AQR: variants seen among roughly 807,000 people sequenced by gnomAD.
AQR encodes the protein RNA helicase aquarius.
In AQR, 61 loss-of-function variants were observed where a neutral mutation model predicts 180.5. The observed-to-expected ratio is 0.34, with a 90% CI of 0.28 to 0.42. The LOEUF (loss-of-function observed/expected upper bound fraction) is 0.42. Among genes scored for constraint, AQR ranks in the 10% least tolerant of loss-of-function variants. The pLI is 1.00. For missense variants in AQR, 1,281 were observed against 1,798.3 expected (o/e 0.71, Z 5.20); for synonymous variants, 551 against 588.8 (o/e 0.94, Z 0.93).
In AQR at chr15:34,862,072, A is replaced by G. The variant is rs371560446; in HGVS notation, c.4029+795T>C. 4.3e-4 allele frequency among the ~76,000 whole-genome samples: 66 copies of G among 152,284 alleles called. 1 individual carries two copies. The South Asian group carries it at 0.013, about 30-fold the overall frequency. The stretch of plus-strand genomic sequence containing the variant: ...GGAATATAAGGATAAACGTGAAACT[A>G]AAGAAACTGGTTACCTATGGAGGGA... On this transcript the variant is annotated intron_variant, in intron 33 of 34. Transcript: ENST00000156471.
At chr15:34,958,001 G>C (rs1268663514) in intron 3 of AQR, among the ~76,000 whole-genome samples, 1 of 151,922 alleles carries the variant, frequency 6.6e-6, no homozygotes, top group Non-Finnish European at 1.5e-5. Flanking sequence ...AAGGTCGGGA[G>C]ATCGAGACCA....
In AQR at chr15:34,856,781, C is replaced by T. The variant is rs746391814; in HGVS notation, c.*11G>A. 24 of 1,514,966 alleles carry T rather than the reference C, an allele frequency of 1.6e-5. No homozygotes were observed. The highest frequency in any genetic ancestry group is 1.9e-5 in the Non-Finnish European group (22 of 1,132,176). The allele number at this position is 1,514,966 out of a possible 1,614,324, so 93.8% of individuals were successfully genotyped here. Reference sequence around the variant, plus strand: ...ACTGCCATGTCCTCCTTTAGAAGGACTACAGTTTGGCTACTTGGTCTCTTC... The same window carrying T: ...ACTGCCATGTCCTCCTTTAGAAGGATTACAGTTTGGCTACTTGGTCTCTTC... On this transcript the variant is annotated 3_prime_UTR_variant, in exon 35 of 35. Transcript: ENST00000156471.
intron 9 of AQR, among the ~76,000 whole-genome samples, chr15:34,935,728 C>G (rs200762535): frequency 1.3e-5 from 2 of 152,098 alleles, no homozygotes; most frequent in East Asian, 3.8e-4. Flanking sequence ...AAAACATGAT[C>G]AGAGAAAATG....
At chr15:34,917,534 T>C (rs1051484542) in intron 15 of AQR, among the ~76,000 whole-genome samples, 1 of 152,104 alleles carries the variant, frequency 6.6e-6, no homozygotes, top group East Asian at 1.9e-4. Context: ...TATCAATAAA[T>C]GATAATGTCT....
At chr15:34,875,509 T>C (rs1488662307) in intron 28 of AQR, among the ~76,000 whole-genome samples, 1 of 152,046 alleles carries the variant, frequency 6.6e-6, no homozygotes, top group African/African-American at 2.4e-5. Context: ...TATTTTACAG[T>C]AAAAAAATTC....
Position 34,896,885 on chromosome 15 carries a change from C to A in AQR, c.2460+12G>T. ...CAAACAAACAAACAAACAGGTGTAA[C>A]AATTCTCTTACCATAGTCAGCCCAG... On this transcript the variant is annotated intron_variant, in intron 22 of 34. Transcript: ENST00000156471. 6.2e-7 allele frequency: 1 copy of A among 1,602,070 alleles called. No individual in the cohort carries two copies. The highest frequency in any genetic ancestry group is 2.2e-5 in the East Asian group (1 of 44,852).
chr15:34,950,683 G>A (rs575037293), intron 4 of AQR, among the ~76,000 whole-genome samples: 1 of 151,998 alleles, frequency 6.6e-6, no homozygotes, highest in South Asian at 2.1e-4. Flanking sequence ...AGTTCTTGGT[G>A]GTGGGGGCAG....
chr15:34,897,828 C>T (rs377182395), intron 20 of AQR, 123 bp from the exon 21 acceptor site: 74 of 1,040,942 alleles, frequency 7.1e-5, no homozygotes, highest in Middle Eastern at 5.0e-4. Flanking sequence ...CTTAAAGGAA[C>T]GATATCTGTA....
chr15:34,884,655 G>A lies in AQR; in HGVS notation c.2897C>T (p.Thr966Ile), dbSNP rs1893029920. The A allele has an allele frequency of 2.5e-6, 4 of 1,612,616 alleles. No individual in the cohort carries two copies. Among genetic ancestry groups the A allele is most frequent in the African/African-American group, 2.7e-5 (2 of 74,830 alleles). ...STLPDVTEVS[T>I]FFPFHEYFAN... The stretch of plus-strand genomic sequence containing the variant: ...AAAGTATTCATGGAAAGGGAAGAAA[G>A]TGGAGACTTCCGTAACATCTGGCAA... Residue 966 changes from threonine (T) to isoleucine (I), a missense_variant, in exon 26 of 35, where the codon ACT becomes ATT. Physicochemically the swap from Thr to Ile is moderately conservative, Grantham distance 89. Coordinates refer to ENST00000156471, the MANE Select transcript of AQR (RefSeq NM_014691.3).
chr15:34,873,585 G>C (rs1269864518), intron 30 of AQR, among the ~76,000 whole-genome samples: 3 of 151,864 alleles, frequency 2.0e-5, no homozygotes, highest in African/African-American at 7.3e-5. Flanking sequence ...ACAAGCTTAG[G>C]AAGACCTTTC....
intron 3 of AQR, 29 bp from the exon 4 acceptor site, chr15:34,952,949 TA>T: frequency 7.8e-7 from 1 of 1,277,812 alleles, no homozygotes; most frequent in Admixed American, 2.2e-5. Flanking sequence ...ATAAAATGTT[TA>T]AAATAGAGAA....
At chr15:34,881,622 T>C (rs968032554) in intron 27 of AQR, among the ~76,000 whole-genome samples, 1 of 152,206 alleles carries the variant, frequency 6.6e-6, no homozygotes, top group Non-Finnish European at 1.5e-5. Flanking sequence ...TATTTTGTAC[T>C]CCTGTTTTTA....
At chr15:34,906,294 C>A (rs1204644509) in intron 18 of AQR, among the ~76,000 whole-genome samples, 1 of 151,276 alleles carries the variant, frequency 6.6e-6, no homozygotes, top group African/African-American at 2.4e-5. Context: ...TCGCATGAAC[C>A]CAGGAGGCAG....
chr15:34,908,390 T>C (rs1000338516), intron 17 of AQR, among the ~76,000 whole-genome samples: 2 of 152,172 alleles, frequency 1.3e-5, no homozygotes, highest in African/African-American at 2.4e-5. Context: ...GAGCCGAGAT[T>C]GTGCCACTGC....
At chr15:34,943,412 T>A (rs778262073) in intron 6 of AQR, 1 of 1,039,114 alleles carries the variant, frequency 9.6e-7, no homozygotes, top group Non-Finnish European at 1.5e-6. Context: ...CATCTTTTAT[T>A]ATGAAGACAA....
chr15:34,933,537 T>C (rs2140493110), intron 10 of AQR, among the ~76,000 whole-genome samples: 1 of 152,218 alleles, frequency 6.6e-6, no homozygotes, highest in South Asian at 2.1e-4. Flanking sequence ...ATTGGGCACA[T>C]TTAGAAAAGT....
rs774057611 is a variant in AQR, at chr15:34,934,642, A to G, written c.719-7T>C. 6 of 1,556,856 alleles carry G rather than the reference A, an allele frequency of 3.9e-6. No homozygotes were observed. Among genetic ancestry groups the G allele is most frequent in the East Asian group, 2.4e-5 (1 of 42,260 alleles). The stretch of plus-strand genomic sequence containing the variant: ...TTGTCCATAGTGACAGGTTCTAGAC[A>G]TAAGAGAGAACGCATGATAGAATTT... On this transcript the variant is annotated splice_region_variant and splice_polypyrimidine_tract_variant and intron_variant, in intron 9 of 34. Transcript: ENST00000156471.
chr15:34,893,116 A>C (rs1382119037), intron 23 of AQR, among the ~76,000 whole-genome samples: 1 of 152,218 alleles, frequency 6.6e-6, no homozygotes, highest in East Asian at 1.9e-4. Flanking sequence ...TGCAAGGAAG[A>C]ACCAGCACTC....
intron 22 of AQR, 93 bp downstream of exon 22, chr15:34,896,804 G>C: frequency 9.4e-7 from 1 of 1,063,554 alleles, no homozygotes; most frequent in Non-Finnish European, 1.4e-6. Context: ...AGCTGAGATC[G>C]CGCCACTGCA....
Sources: allele counts gnomAD v4.1 joint callset (sites outside exome capture counted in the v4.1 genomes callset), GRCh38; gene constraint gnomAD v4.1.1; transcripts MANE v1.5; gene names NCBI Gene and HGNC (gene_info 2026-07-23, HGNC 2026-07-21).